The following NRG3 variants were observed in gnomAD, a reference collection of about 807,000 sequenced individuals.
The protein encoded by NRG3 is pro-neuregulin-3, membrane-bound isoform.
NRG3 carries 31 observed loss-of-function variants against 66.9 expected under a neutral mutation model. The observed-to-expected ratio is 0.46, with a 90% CI of 0.35 to 0.63. The LOEUF (loss-of-function observed/expected upper bound fraction) is 0.63. Ranked by LOEUF, NRG3 falls within the 20% of genes least tolerant of loss-of-function variation. The pLI is 0.00. For missense variants in NRG3, 910 were observed against 878.9 expected, an observed-to-expected ratio of 1.04 and a Z score of -0.45; for synonymous variants, 393 against 359.4, an observed-to-expected ratio of 1.09 and a Z score of -1.06.
intron 2 of NRG3, among the ~76,000 whole-genome samples, chr10:82,378,239 T>C (rs1359068201): frequency 6.6e-6 from 1 of 152,180 alleles, no homozygotes; most frequent in Admixed American, 6.5e-5. Context: ...GGGAAAGCAT[T>C]AAGACATGGA....
chr10:82,950,509 A>C (rs1356123954), intron 4 of NRG3, among the ~76,000 whole-genome samples: 1 of 152,160 alleles, frequency 6.6e-6, no homozygotes, highest in African/African-American at 2.4e-5. Context: ...TTCTTCCCCC[A>C]TTCTGAGCTG....
At chr10:82,839,225 A>G (rs973489316) in intron 3 of NRG3, among the ~76,000 whole-genome samples, 5 of 152,186 alleles carry the variant, frequency 3.3e-5, no homozygotes, top group African/African-American at 1.2e-4. Flanking sequence ...TATGATATGC[A>G]TCTAAAAAAT....
At chr10:82,903,108 G>A (rs1033535221) in intron 4 of NRG3, among the ~76,000 whole-genome samples, 16 of 152,018 alleles carry the variant, frequency 1.1e-4, no homozygotes, top group Admixed American at 8.5e-4. Flanking sequence ...ACAGACCATA[G>A]GTGGCATCAT....
chr10:82,023,579 G>A (rs1450851695), intron 1 of NRG3, among the ~76,000 whole-genome samples: 1 of 152,046 alleles, frequency 6.6e-6, no homozygotes, highest in Non-Finnish European at 1.5e-5. Flanking sequence ...GATGTTGAAT[G>A]TAATGGAATG....
intron 3 of NRG3, among the ~76,000 whole-genome samples, chr10:82,842,372 T>C (rs2063100918): frequency 6.6e-6 from 1 of 152,218 alleles, no homozygotes; most frequent in Non-Finnish European, 1.5e-5. Context: ...ACTCTCTTTT[T>C]TCCTTTCATA....
At chr10:82,455,516 T>C (rs1291259438) in intron 2 of NRG3, among the ~76,000 whole-genome samples, 1 of 152,120 alleles carries the variant, frequency 6.6e-6, no homozygotes, top group Non-Finnish European at 1.5e-5. Context: ...GAAGTTGCTG[T>C]AGGTGAGTCA....
At chr10:82,075,992 G>A (rs2065070937) in intron 1 of NRG3, among the ~76,000 whole-genome samples, 1 of 151,828 alleles carries the variant, frequency 6.6e-6, no homozygotes, top group African/African-American at 2.4e-5. Flanking sequence ...ACTAGGAAAT[G>A]AGTAAAAAGA....
At chr10:82,428,033 T>C (rs2089557754) in intron 2 of NRG3, among the ~76,000 whole-genome samples, 1 of 152,032 alleles carries the variant, frequency 6.6e-6, no homozygotes. Flanking sequence ...TATTTTCCTC[T>C]AAGTTTGGAA....
intron 2 of NRG3, among the ~76,000 whole-genome samples, chr10:82,626,494 G>GTATA (rs2049432109): frequency 6.6e-6 from 1 of 152,056 alleles, no homozygotes; most frequent in African/African-American, 2.4e-5. Context: ...ATCAATGAGA[G>GTATA]TATACAAAGA....
At chr10:82,030,902 C>T (rs960158522) in intron 1 of NRG3, among the ~76,000 whole-genome samples, 2 of 151,982 alleles carry the variant, frequency 1.3e-5, no homozygotes, top group African/African-American at 4.8e-5. Context: ...AAGGAGATTA[C>T]CTGATTAGAG....
intron 1 of NRG3, among the ~76,000 whole-genome samples, chr10:81,919,173 A>G (rs1208663597): frequency 1.3e-5 from 2 of 152,240 alleles, no homozygotes; most frequent in Non-Finnish European, 2.9e-5. Flanking sequence ...CTAGAACTTC[A>G]TATGTATGGG....
At chr10:81,973,740 C>G (rs1302490869) in intron 1 of NRG3, among the ~76,000 whole-genome samples, 3 of 152,016 alleles carry the variant, frequency 2.0e-5, no homozygotes, top group Admixed American at 2.0e-4. Context: ...CCTTTGCCCA[C>G]TTTTTTTATG....
chr10:82,188,523 A>C (rs1294542244), intron 1 of NRG3, among the ~76,000 whole-genome samples: 1 of 152,172 alleles, frequency 6.6e-6, no homozygotes, highest in Admixed American at 6.5e-5. Flanking sequence ...AACCCACAGA[A>C]CGGGAGAAAA....
At chr10:82,326,070 A>G (rs901330575) in intron 1 of NRG3, among the ~76,000 whole-genome samples, 3 of 151,954 alleles carry the variant, frequency 2.0e-5, no homozygotes, top group African/African-American at 4.8e-5. Context: ...TTGTAATGCA[A>G]CTCTGTTACT....
At chr10:82,217,737 A>T (rs930287321) in intron 1 of NRG3, among the ~76,000 whole-genome samples, 1 of 152,188 alleles carries the variant, frequency 6.6e-6, no homozygotes, top group African/African-American at 2.4e-5. Context: ...GCACATTTGA[A>T]AACCAGCCTC....
Position 82,468,785 on chromosome 10 carries a change from A to G in NRG3, c.953+109917A>G, listed in dbSNP as rs148913836. Among the ~76,000 whole-genome samples, 25 of 152,198 alleles carry G rather than the reference A, an allele frequency of 1.6e-4. No homozygotes were observed. The East Asian group carries it at 4.8e-3, about 29-fold the overall frequency. ...GTGATTTAAAGAAGTAGATATTCTGATTTGATTCCTGTTATTTTGGTGGTC... is the reference window on the plus strand; with the variant it reads ...GTGATTTAAAGAAGTAGATATTCTGGTTTGATTCCTGTTATTTTGGTGGTC... On this transcript the variant is annotated intron_variant, in intron 2 of 8. Transcript: ENST00000372141.
intron 1 of NRG3, among the ~76,000 whole-genome samples, chr10:81,977,501 A>G (rs2060168366): frequency 1.3e-5 from 2 of 152,346 alleles, no homozygotes; most frequent in South Asian, 4.1e-4. Flanking sequence ...CACTTGTGAA[A>G]AACAGCAAAA....
intron 1 of NRG3, among the ~76,000 whole-genome samples, chr10:82,148,208 T>C (rs925847200): frequency 1.3e-5 from 2 of 151,892 alleles, no homozygotes; most frequent in African/African-American, 2.4e-5. Context: ...CAGTTTAAAA[T>C]ATCACTGATT....
chr10:82,732,833 T>A (rs1565253921), intron 2 of NRG3, among the ~76,000 whole-genome samples: 1 of 152,296 alleles, frequency 6.6e-6, no homozygotes, highest in East Asian at 1.9e-4. Flanking sequence ...TGCCAGACGA[T>A]CTTTCCATTT....
Sources: gnomAD v4.1 joint callset for allele counts (sites outside exome capture counted in the v4.1 genomes callset) on GRCh38, gnomAD v4.1.1 for gene constraint, MANE v1.5 for transcripts, NCBI Gene and HGNC (gene_info 2026-07-23, HGNC 2026-07-21) for gene names.